The following DMD variants were observed in gnomAD, a reference collection of about 807,000 sequenced individuals.
The protein encoded by DMD is dystrophin.
DMD carries 63 observed loss-of-function variants against 330.1 expected under a neutral mutation model. The ratio of observed to expected loss-of-function variants is 0.19; its 90% CI spans 0.16 to 0.24. The LOEUF is 0.24. DMD is among the 10% of genes least tolerant of loss of function. DMD has a pLI of 1.00. For missense variants in DMD, 3,344 were observed against 2,684.1 expected, an observed-to-expected ratio of 1.25 and a Z score of -5.43; for synonymous variants, 1,223 against 959.8, an observed-to-expected ratio of 1.27 and a Z score of -5.07.
chrX:32,210,230 C>A (rs1261114264), intron 44 of DMD, among the ~76,000 whole-genome samples: 1 of 112,153 alleles, frequency 8.9e-6, no homozygotes, highest in East Asian at 2.8e-4. Flanking sequence ...ATTCTCTTAG[C>A]AGTAAATTTT....
At chrX:31,251,371 G>T (rs1485798113) in intron 63 of DMD, among the ~76,000 whole-genome samples, 1 of 110,592 alleles carries the variant, frequency 9.0e-6, no homozygotes, top group East Asian at 2.8e-4. Context: ...ATTAATGCTT[G>T]GTAAAGAAAT....
At chrX:31,595,675 G>A (rs971354831) in intron 55 of DMD, among the ~76,000 whole-genome samples, 1 of 109,420 alleles carries the variant, frequency 9.1e-6, no homozygotes, top group African/African-American at 3.3e-5. Flanking sequence ...CAAAACTGGG[G>A]TCAGTATATA....
chrX:33,099,154 G>A (rs900092277), intron 1 of DMD, among the ~76,000 whole-genome samples: 5 of 111,716 alleles, frequency 4.5e-5, no homozygotes, highest in Admixed American at 1.9e-4. Flanking sequence ...TCTAGGAGAC[G>A]TTACTATTTA....
intron 47 of DMD, among the ~76,000 whole-genome samples, chrX:31,880,870 T>C (rs1171158559): frequency 8.9e-6 from 1 of 111,986 alleles, no homozygotes; most frequent in Non-Finnish European, 1.9e-5. Flanking sequence ...TAAACAACTG[T>C]TATTGGTTTA....
chrX:32,285,891 G>T (rs951873767), intron 43 of DMD, among the ~76,000 whole-genome samples: 3 of 110,320 alleles, frequency 2.7e-5, no homozygotes, highest in Non-Finnish European at 5.7e-5. Flanking sequence ...ATGGAGACAA[G>T]GTTTCACCAT....
At chrX:32,617,674 T>A (rs2057689538) in intron 11 of DMD, among the ~76,000 whole-genome samples, 1 of 111,509 alleles carries the variant, frequency 9.0e-6, no homozygotes, top group Non-Finnish European at 1.9e-5. Flanking sequence ...TGAATATGAC[T>A]GTAAAAGCAC....
intron 13 of DMD, among the ~76,000 whole-genome samples, chrX:32,587,817 A>G (rs1198273684): frequency 8.9e-6 from 1 of 111,926 alleles, no homozygotes; most frequent in Non-Finnish European, 1.9e-5. Context: ...ATAGTAACTA[A>G]TATTATTATT....
intron 1 of DMD, among the ~76,000 whole-genome samples, chrX:33,046,455 T>C (rs1469212364): frequency 8.9e-6 from 1 of 111,871 alleles, no homozygotes; most frequent in Non-Finnish European, 1.9e-5. Flanking sequence ...TGATTTTGAC[T>C]AATGTCTGCA....
chrX:32,344,866 A>G (rs2097758879), intron 39 of DMD, among the ~76,000 whole-genome samples: 1 of 111,351 alleles, frequency 9.0e-6, no homozygotes, highest in African/African-American at 3.3e-5. Flanking sequence ...CCGATTTTCT[A>G]GACACATTAT....
intron 52 of DMD, among the ~76,000 whole-genome samples, chrX:31,721,718 C>CTCTCTATATATATA (rs1227959078): frequency 1.4e-4 from 8 of 56,491 alleles, no homozygotes; most frequent in African/African-American, 6.0e-5. Context: ...CTCTCTCTCT[C>CTCTCTATATATATA]TATATATATA....
At chrX:32,400,973 C>T (rs1043888774) in intron 30 of DMD, among the ~76,000 whole-genome samples, 6 of 110,752 alleles carry the variant, frequency 5.4e-5, no homozygotes, top group African/African-American at 2.0e-4. Context: ...AAATGTGGCA[C>T]ATATACACCT....
chrX:31,773,935 C>G (rs756277378), intron 51 of DMD, 25 bp downstream of exon 51: 6 of 1,178,940 alleles, frequency 5.1e-6, no homozygotes, highest in Non-Finnish European at 6.9e-6. Context: ...AAACTTCTGC[C>G]AACTTTTATC....
chrX:31,725,766 G>A (rs148841071), intron 52 of DMD, among the ~76,000 whole-genome samples: 2 of 112,069 alleles, frequency 1.8e-5, no homozygotes, highest in Non-Finnish European at 3.8e-5. Flanking sequence ...AGAAGCTACA[G>A]AAACAAGGCT....
intron 60 of DMD, among the ~76,000 whole-genome samples, chrX:31,370,094 G>A (rs1344528789): frequency 1.7e-5 from 1 of 59,054 alleles, no homozygotes; most frequent in Non-Finnish European, 3.4e-5. Context: ...GCGAGGCTCC[G>A]TCTCAAAAAA....
intron 43 of DMD, among the ~76,000 whole-genome samples, chrX:32,272,250 G>A (rs2097367928): frequency 8.9e-6 from 1 of 112,026 alleles, no homozygotes; most frequent in African/African-American, 3.2e-5. Flanking sequence ...GATTCCAAGA[G>A]GTGGTATTTG....
At chrX:31,285,319 T>C (rs1031055563) in intron 62 of DMD, among the ~76,000 whole-genome samples, 2 of 112,206 alleles carry the variant, frequency 1.8e-5, no homozygotes, top group Admixed American at 1.9e-4. Context: ...CTTACCATAT[T>C]TAGGCTGTTA....
intron 41 of DMD, among the ~76,000 whole-genome samples, chrX:32,328,396 G>A (rs1306793756): frequency 1.8e-5 from 2 of 111,416 alleles, no homozygotes; most frequent in Non-Finnish European, 3.8e-5. Context: ...GACAAATGTC[G>A]TGATACCCTA....
In DMD at chrX:32,097,744, ATAATGT is replaced by A. The variant is rs1162246601; in HGVS notation, c.6438+119166_6438+119171del. 3.9e-3 allele frequency among the ~76,000 whole-genome samples: 437 copies of A among 112,279 alleles called. 3 individuals are homozygous for A. Among genetic ancestry groups the A allele is most frequent in the African/African-American group, 0.013 (415 of 30,963 alleles). ...TTCTTTTACTATATCATAGCATTTA[ATAATGT>A]TAATGAAGTCTGTCACGTAGGCATT... On this transcript the variant is annotated intron_variant, in intron 44 of 78. Coordinates refer to ENST00000357033, the MANE Select transcript of DMD (RefSeq NM_004006.3).
At chrX:31,722,871 C>A (rs1251417795) in intron 52 of DMD, among the ~76,000 whole-genome samples, 1 of 109,636 alleles carries the variant, frequency 9.1e-6, no homozygotes, top group Non-Finnish European at 1.9e-5. Context: ...CATGACGAAA[C>A]CCCGTCCCTA....
Sources: allele counts gnomAD v4.1 joint callset (sites outside exome capture counted in the v4.1 genomes callset), GRCh38; gene constraint gnomAD v4.1.1; transcripts MANE v1.5; gene names NCBI Gene and HGNC (gene_info 2026-07-23, HGNC 2026-07-21).